Variants in NIPSNAP2 observed in about 807,000 individuals in gnomAD.
NIPSNAP2 encodes the protein protein NipSnap homolog 2.
Under a neutral mutation model 48.4 loss-of-function variants are expected in NIPSNAP2, and 42 were observed. The observed-to-expected ratio is 0.87, with a 90% CI of 0.68 to 1.12. The LOEUF (loss-of-function observed/expected upper bound fraction) is 1.12, where lower values mean the gene tolerates loss of function less well. NIPSNAP2 is among the 50% of genes most tolerant of loss of function. The pLI, the probability that NIPSNAP2 is intolerant of heterozygous loss-of-function variation, is 0.00. For missense variants in NIPSNAP2, 314 were observed against 347.3 expected, an observed-to-expected ratio of 0.90 and a Z score of 0.76; for synonymous variants, 158 against 126.6, an observed-to-expected ratio of 1.25 and a Z score of -1.67.
intron 1 of NIPSNAP2, among the ~76,000 whole-genome samples, chr7:55,968,028 G>A (rs1786933867): frequency 6.6e-6 from 1 of 151,980 alleles, no homozygotes; most frequent in South Asian, 2.1e-4. Context: ...GCCTCAAGCA[G>A]TCCTCCCACC....
At chr7:55,995,333 G>A (rs1787539851) in intron 8 of NIPSNAP2, among the ~76,000 whole-genome samples, 1 of 152,184 alleles carries the variant, frequency 6.6e-6, no homozygotes, top group South Asian at 2.1e-4. Context: ...GACAGAGGCA[G>A]GCCTGCATTT....
At chr7:55,986,471 G>A (rs1252625739) in intron 7 of NIPSNAP2, among the ~76,000 whole-genome samples, 8 of 152,108 alleles carry the variant, frequency 5.3e-5, no homozygotes, top group Non-Finnish European at 1.2e-4. Context: ...AGACCAGCCT[G>A]ACCAACTTGG....
intron 9 of NIPSNAP2, 125 bp downstream of exon 9, chr7:55,997,574 G>T (rs551683324): frequency 6.0e-6 from 4 of 666,622 alleles, no homozygotes; most frequent in African/African-American, 5.5e-5. Context: ...ATCAGGTTGT[G>T]GGGGGAAGGG....
At chr7:55,969,859 T>C (rs1218832206) in intron 1 of NIPSNAP2, among the ~76,000 whole-genome samples, 2 of 151,532 alleles carry the variant, frequency 1.3e-5, no homozygotes, top group African/African-American at 4.9e-5. Context: ...GGTGGGCGCC[T>C]GTAGTCCCAG....
chr7:55,986,985 A>G (rs1222414245), intron 7 of NIPSNAP2, among the ~76,000 whole-genome samples: 1 of 129,220 alleles, frequency 7.7e-6, no homozygotes, highest in Non-Finnish European at 1.7e-5. Context: ...TGTCTCTATA[A>G]AAAAAAAAAA....
At chr7:55,997,936 C>G (rs1031791553) in intron 9 of NIPSNAP2, among the ~76,000 whole-genome samples, 1 of 152,156 alleles carries the variant, frequency 6.6e-6, no homozygotes, top group Non-Finnish European at 1.5e-5. Context: ...TTATGAAACC[C>G]TGTTTGCTTG....
chr7:55,965,661 ACCT>A (rs35731166), intron 1 of NIPSNAP2, among the ~76,000 whole-genome samples: 27,174 of 151,474 alleles, frequency 0.18, 2,803 homozygotes, highest in Non-Finnish European at 0.23. Context: ...TCTCACTGCA[ACCT>A]CCGCCTCCCG....
intron 3 of NIPSNAP2, chr7:55,980,356 C>G (rs950056820): frequency 1.3e-5 from 2 of 154,810 alleles, no homozygotes; most frequent in African/African-American, 4.8e-5. Flanking sequence ...TTATGTATCC[C>G]TGGTCGTATG....
At chr7:55,978,556 AG>A in intron 3 of NIPSNAP2, 161 bp downstream of exon 3, 1 of 675,458 alleles carries the variant, frequency 1.5e-6, no homozygotes. Flanking sequence ...GGATTGCCGA[AG>A]GCGTTTTGAT....
chr7:55,999,164 C>A lies in NIPSNAP2; in HGVS notation c.*92C>A. 1.8e-6 allele frequency: 2 copies of A among 1,112,502 alleles called. No homozygotes were observed. Among genetic ancestry groups the A allele is most frequent in the Non-Finnish European group, 2.7e-6 (2 of 737,970 alleles). 68.9% of individuals were successfully genotyped at this position (1,112,502 alleles called of 1,614,324 possible). A position where few individuals can be genotyped will look rare whatever the true frequency, so the allele number is the denominator to read the frequency against. ...TTGTGTATCAAGTGAAAAAGAAACA[C>A]TGAGGTTTTAAGCTGCTGTATATAG... On this transcript the variant is annotated 3_prime_UTR_variant, in exon 10 of 10. Coordinates refer to ENST00000322090, the MANE Select transcript of NIPSNAP2 (RefSeq NM_001483.3).
At chr7:55,972,054 C>T (rs1787024162) in intron 1 of NIPSNAP2, among the ~76,000 whole-genome samples, 1 of 152,046 alleles carries the variant, frequency 6.6e-6, no homozygotes, top group Admixed American at 6.6e-5. Flanking sequence ...ACCTATAATT[C>T]CAGCACTTTG....
At chr7:55,980,580 T>C (rs1256208409) in intron 3 of NIPSNAP2, 2 of 152,252 alleles carry the variant, frequency 1.3e-5, no homozygotes, top group Non-Finnish European at 2.9e-5. Context: ...GTGCAGGTTT[T>C]AGCTTTTCTC....
chr7:55,968,305 T>C (rs1349100956), intron 1 of NIPSNAP2, among the ~76,000 whole-genome samples: 1 of 152,146 alleles, frequency 6.6e-6, no homozygotes, highest in African/African-American at 2.4e-5. Flanking sequence ...ATGATAGCAT[T>C]GTAGTTCTGT....
intron 1 of NIPSNAP2, among the ~76,000 whole-genome samples, chr7:55,974,333 AC>A (rs908268692): frequency 6.6e-6 from 1 of 152,020 alleles, no homozygotes; most frequent in African/African-American, 2.4e-5. Context: ...CTTCTAAAAT[AC>A]CGTTGCTGCA....
chr7:55,976,125 C>T (rs1787103436), intron 1 of NIPSNAP2, among the ~76,000 whole-genome samples: 1 of 152,154 alleles, frequency 6.6e-6, no homozygotes, highest in South Asian at 2.1e-4. Flanking sequence ...AAAACCTTTA[C>T]TCCCACCCCA....
intron 1 of NIPSNAP2, among the ~76,000 whole-genome samples, chr7:55,966,305 T>C (rs541047407): frequency 1.3e-5 from 2 of 152,282 alleles, no homozygotes; most frequent in East Asian, 1.9e-4. Context: ...TCGTATTTGA[T>C]TTACGTTTTT....
chr7:55,969,382 G>C (rs1015495197), intron 1 of NIPSNAP2, among the ~76,000 whole-genome samples: 1 of 152,142 alleles, frequency 6.6e-6, no homozygotes, highest in Non-Finnish European at 1.5e-5. Flanking sequence ...TTGCACACTT[G>C]TGTCTTTGGC....
intron 3 of NIPSNAP2, chr7:55,980,367 G>A (rs1182898579): frequency 6.5e-6 from 1 of 154,080 alleles, no homozygotes; most frequent in East Asian, 1.9e-4. Context: ...TGGTCGTATG[G>A]AGCTCCAGTG....
Position 55,983,806 on chromosome 7 carries a change from T to C in NIPSNAP2, c.523T>C (p.Trp175Arg). 2.5e-6 allele frequency: 4 copies of C among 1,614,118 alleles called. No homozygotes were observed. The highest frequency in any genetic ancestry group is 3.4e-6 in the Non-Finnish European group (4 of 1,179,994). The change falls in exon 6 of 10, where the codon TGG (tryptophan) becomes CGG (arginine). Residue 175 changes from tryptophan (W) to arginine (R), a missense_variant. Trp to Arg is a moderately radical substitution (Grantham distance 101). Transcript: ENST00000322090. ...KNQLLLEFSF[W>R]NEPVPRSGPN... ...TCAGCTCCTGTTGGAGTTCAGTTTC[T>C]GGAATGAGCCTGTGCCAAGATCCGG... is the stretch of plus-strand genomic sequence containing the variant.
Sources: allele counts gnomAD v4.1 joint callset (sites outside exome capture counted in the v4.1 genomes callset), GRCh38; gene constraint gnomAD v4.1.1; transcripts MANE v1.5; gene names NCBI Gene and HGNC (gene_info 2026-07-23, HGNC 2026-07-21).